Variants in PVR observed in about 807,000 individuals in gnomAD.
The protein encoded by PVR is poliovirus receptor.
PVR carries 39 observed loss-of-function variants against 43.3 expected under a neutral mutation model. That is an observed-to-expected ratio of 0.90 (90% CI 0.70 to 1.18). The LOEUF (loss-of-function observed/expected upper bound fraction) is 1.18, where lower values mean the gene tolerates loss of function less well. PVR is among the 50% of genes most tolerant of loss of function. PVR has a pLI of 0.00. For missense variants in PVR, 480 were observed against 549.7 expected (o/e 0.87, Z 1.27); for synonymous variants, 224 against 233.2 (o/e 0.96, Z 0.36).
At chr19:44,657,694 G>A (rs1294907864) in intron 4 of PVR, 68 bp from the exon 5 acceptor site, 2 of 1,535,116 alleles carry the variant, frequency 1.3e-6, no homozygotes, top group Non-Finnish European at 9.0e-7. Context: ...GGCACGTAGT[G>A]CGTGCTCAAT....
In PVR at chr19:44,665,611, G is replaced by A. The variant is rs1425771459; in HGVS notation, c.*3800G>A. The A allele has an allele frequency of 6.9e-6, 1 of 144,240 alleles. No individual in the cohort carries two copies. Among genetic ancestry groups the A allele is most frequent in the Non-Finnish European group, 1.5e-5 (1 of 67,810 alleles). 8.9% of individuals were successfully genotyped at this position (144,240 alleles called of 1,614,324 possible). On this transcript the variant is annotated 3_prime_UTR_variant, in exon 8 of 8. Coordinates refer to ENST00000425690, the MANE Select transcript of PVR (RefSeq NM_006505.5). The stretch of plus-strand genomic sequence containing the variant: ...ATCGAGTTACTGCACTCCAGCCTGG[G>A]TGACAAGAGTGAGACTCTGTCTCCA...
chr19:44,661,229 T>C (rs1973581559), intron 6 of PVR, 63 bp from the exon 7 acceptor site: 1 of 1,504,602 alleles, frequency 6.6e-7, no homozygotes, highest in South Asian at 1.1e-5. Flanking sequence ...CACCCAGGCA[T>C]GTCTTCTTCC....
At chr19:44,650,431 G>A (rs1304967813) in intron 3 of PVR, among the ~76,000 whole-genome samples, 1 of 151,882 alleles carries the variant, frequency 6.6e-6, no homozygotes, top group African/African-American at 2.4e-5. Flanking sequence ...CCCCTAAACT[G>A]CCTACACCCA....
At chr19:44,649,542 G>A (rs549528503) in intron 2 of PVR, among the ~76,000 whole-genome samples, 49 of 151,254 alleles carry the variant, frequency 3.2e-4, no homozygotes, top group African/African-American at 1.1e-3. Context: ...CAATTCTCTG[G>A]TCTCAGCCTC....
intron 4 of PVR, 133 bp from the exon 5 acceptor site, chr19:44,657,629 G>A (rs944031502): frequency 3.7e-6 from 3 of 802,050 alleles, no homozygotes; most frequent in Non-Finnish European, 3.9e-6. Context: ...GGGAAGAGTT[G>A]GGGGGCCTCC....
chr19:44,656,651 A>G (rs1344207417), intron 4 of PVR, among the ~76,000 whole-genome samples: 1 of 152,192 alleles, frequency 6.6e-6, no homozygotes, highest in Non-Finnish European at 1.5e-5. Context: ...CAATGGTGAT[A>G]AATACCATGG....
rs377122243 is a variant in PVR, at chr19:44,649,920, A to G, written c.539A>G (p.His180Arg). 8.7e-6 allele frequency: 14 copies of G among 1,613,510 alleles called. No homozygotes were observed. The African/African-American group carries it at 1.9e-4, about 22-fold the overall frequency. Residue 180 changes from histidine (H) to arginine (R), a missense_variant, in exon 3 of 8, where the codon CAC (histidine) becomes CGC (arginine). Physicochemically the swap from His to Arg is conservative, Grantham distance 29. Coordinates refer to ENST00000425690, the MANE Select transcript of PVR (RefSeq NM_006505.5). ...GGRPPAQITW[H>R]SDLGGMPNTS... is the part of the protein sequence containing the mutation. ...CGCCCGCCAGCCCAAATCACCTGGC[A>G]CTCAGACCTGGGCGGGATGCCCAAT...
At position 44,649,846 on chromosome 19, in the gene PVR, G is replaced by A; in HGVS notation, c.465G>A (p.Gln155=). The A allele has an allele frequency of 6.2e-7, 1 of 1,614,088 alleles. No homozygotes were observed. Among genetic ancestry groups the A allele is most frequent in the Non-Finnish European group, 8.5e-7 (1 of 1,180,016 alleles). ...PQNTAEVQKV[Q]LTGEPVPMAR... is the part of the protein sequence containing the mutation. The stretch of plus-strand genomic sequence containing the variant: ...ACACAGCTGAGGTTCAGAAGGTCCA[G>A]CTCACTGGAGAGCCAGTGCCCATGG... Residue 155 remains glutamine, a synonymous_variant, in exon 3 of 8, where the codon CAG becomes CAA. Transcript: ENST00000425690.
intron 6 of PVR, among the ~76,000 whole-genome samples, chr19:44,659,965 A>G (rs1170538872): frequency 2.6e-5 from 4 of 152,076 alleles, no homozygotes; most frequent in Admixed American, 6.5e-5. Flanking sequence ...TTCAACCACT[A>G]AACAAAGCTG....
At chr19:44,649,290 T>C (rs561616988) in intron 2 of PVR, among the ~76,000 whole-genome samples, 1 of 152,286 alleles carries the variant, frequency 6.6e-6, no homozygotes, top group South Asian at 2.1e-4. Flanking sequence ...TTCTAAGAGC[T>C]TTACCTGCAT....
chr19:44,654,150 C>T (rs562160365), intron 4 of PVR, 133 bp downstream of exon 4: 65 of 546,408 alleles, frequency 1.2e-4, no homozygotes, highest in African/African-American at 6.4e-4. Flanking sequence ...GTCTGAGGGA[C>T]GAGAGGCTGG....
At chr19:44,644,708 ATTCT>A (rs1168420138) in intron 1 of PVR, among the ~76,000 whole-genome samples, 1 of 144,298 alleles carries the variant, frequency 6.9e-6, no homozygotes, top group African/African-American at 2.6e-5. Flanking sequence ...CCATTCATTC[ATTCT>A]TTCATTCTTT....
At chr19:44,655,296 C>A (rs1973411256) in intron 4 of PVR, among the ~76,000 whole-genome samples, 1 of 152,122 alleles carries the variant, frequency 6.6e-6, no homozygotes, top group Admixed American at 6.5e-5. Context: ...GCCACATTGC[C>A]CAGGCTGGTC....
chr19:44,658,963 A>G, intron 6 of PVR, 63 bp downstream of exon 6: 1 of 1,505,752 alleles, frequency 6.6e-7, no homozygotes. Context: ...GAGTCCTTCC[A>G]GTGTGCCTCT....
intron 4 of PVR, among the ~76,000 whole-genome samples, chr19:44,655,096 C>CT (rs904381901): frequency 2.1e-4 from 31 of 151,204 alleles, no homozygotes; most frequent in African/African-American, 4.9e-4. Context: ...CTGAACCGCC[C>CT]TTTTTTTTTA....
intron 4 of PVR, 29 bp downstream of exon 4, chr19:44,654,046 C>T (rs1973361679): frequency 1.3e-6 from 2 of 1,532,832 alleles, no homozygotes; most frequent in Non-Finnish European, 1.8e-6. Context: ...GGAGGAGGGG[C>T]TGGGGGTCTG....
chr19:44,644,126 G>T lies in PVR; in HGVS notation c.30G>T (p.Pro10=). 1 of 1,518,946 alleles carries T rather than the reference G, an allele frequency of 6.6e-7. No individual in the cohort carries two copies. The allele number at this position is 1,518,946 out of a possible 1,614,324, so 94.1% of individuals were successfully genotyped here. A position where few individuals can be genotyped will look rare whatever the true frequency, so the allele number is the denominator to read the frequency against. The change falls in exon 1 of 8, where the codon CCG becomes CCT. Residue 10 remains proline (P), a synonymous_variant. Coordinates refer to ENST00000425690, the MANE Select transcript of PVR (RefSeq NM_006505.5). ...CCCGAGCCATGGCCGCCGCGTGGCC[G>T]CTGCTGCTGGTGGCGCTACTGGTGC... MARAMAAAW[P]LLLVALLVLS...
Position 44,665,148 on chromosome 19 carries a change from AGACTTGGCGGGGGGC to A in PVR, c.*3338_*3352del, listed in dbSNP as rs1973679937. ...AGAAAACCGCAACTATCCTTATCAGAGACTTGGCGGGGGGCAGGGTATGATGGAGATCATAAGGAG... is the reference window on the plus strand; with the variant it reads ...AGAAAACCGCAACTATCCTTATCAGAAGGGTATGATGGAGATCATAAGGAG... On this transcript the variant is annotated 3_prime_UTR_variant, in exon 8 of 8. Transcript: ENST00000425690. The A allele has an allele frequency of 6.6e-6, 1 of 150,836 alleles. No individual in the cohort carries two copies. The highest frequency in any genetic ancestry group is 2.4e-5 in the African/African-American group (1 of 41,344). 9.3% of individuals were successfully genotyped at this position (150,836 alleles called of 1,614,324 possible).
rs192212503 is a variant in PVR, at chr19:44,654,250, T to A, written c.842+233T>A. Among the ~76,000 whole-genome samples, 272 of 93,406 alleles carry A rather than the reference T, an allele frequency of 2.9e-3. 1 individual carries two copies. The highest frequency in any genetic ancestry group is 0.019 in the African/African-American group (240 of 12,368). 61.3% of individuals were successfully genotyped at this position (93,406 alleles called of 152,430 possible). ...GAGGGGCTGGGCCTGGACCCCTGGG[T>A]CTGAGGGAGGAGGGGCTGGGGGGTC... On this transcript the variant is annotated intron_variant, in intron 4 of 7. Coordinates refer to ENST00000425690, the MANE Select transcript of PVR (RefSeq NM_006505.5).
Sources: allele counts gnomAD v4.1 joint callset (sites outside exome capture counted in the v4.1 genomes callset), GRCh38; gene constraint gnomAD v4.1.1; transcripts MANE v1.5; gene names NCBI Gene and HGNC (gene_info 2026-07-23, HGNC 2026-07-21).